Variants in RFTN2 observed in about 807,000 individuals in gnomAD.
The protein encoded by RFTN2 is raftlin family member 2, also known as raftlin-2.
In RFTN2, 34 loss-of-function variants were observed where a neutral mutation model predicts 52.7. The ratio of observed to expected loss-of-function variants is 0.64; its 90% CI spans 0.49 to 0.86. RFTN2 has a LOEUF of 0.86. Ranked by LOEUF, RFTN2 falls within the 40% of genes least tolerant of loss-of-function variation. The pLI is 0.00. For synonymous variants in RFTN2, 203 were observed against 217.7 expected (o/e 0.93, Z 0.59); for missense variants, 536 against 600.1 (o/e 0.89, Z 1.12).
intron 4 of RFTN2, among the ~76,000 whole-genome samples, chr2:197,633,416 G>T (rs1249965416): frequency 1.3e-5 from 2 of 152,022 alleles, no homozygotes; most frequent in African/African-American, 4.8e-5. Context: ...TCACTTATTT[G>T]GTACACATGT....
intron 6 of RFTN2, 60 bp from the exon 7 acceptor site, chr2:197,616,039 A>G: frequency 1.0e-6 from 1 of 986,274 alleles, no homozygotes; most frequent in East Asian, 2.6e-5. Flanking sequence ...CTACACAATT[A>G]CAACAAAGGG....
At chr2:197,650,754 G>T (rs1206687286) in intron 1 of RFTN2, among the ~76,000 whole-genome samples, 1 of 152,020 alleles carries the variant, frequency 6.6e-6, no homozygotes, top group African/African-American at 2.4e-5. Flanking sequence ...TATTAATATG[G>T]GTGTGTAAAT....
chr2:197,653,097 A>G (rs2088846159), intron 1 of RFTN2, among the ~76,000 whole-genome samples: 1 of 152,220 alleles, frequency 6.6e-6, no homozygotes, highest in African/African-American at 2.4e-5. Context: ...TTATATTATT[A>G]ATATCTGCCT....
chr2:197,572,659 A>G (rs1233241541), intron 8 of RFTN2, among the ~76,000 whole-genome samples: 1 of 152,198 alleles, frequency 6.6e-6, no homozygotes, highest in Non-Finnish European at 1.5e-5. Context: ...GTTCAGATCT[A>G]TACAGCAGAA....
chr2:197,635,895 A>G (rs1487994207), intron 3 of RFTN2, among the ~76,000 whole-genome samples: 1 of 140,378 alleles, frequency 7.1e-6, no homozygotes, highest in East Asian at 2.1e-4. Flanking sequence ...TCTTTAATCC[A>G]TCTTGAATTG....
intron 1 of RFTN2, among the ~76,000 whole-genome samples, chr2:197,653,183 T>TA (rs1350932865): frequency 6.6e-6 from 1 of 152,190 alleles, no homozygotes; most frequent in South Asian, 2.1e-4. Flanking sequence ...TCTCTATACT[T>TA]AGAGTATTGC....
chr2:197,666,951 T>G (rs1470997859), intron 1 of RFTN2, among the ~76,000 whole-genome samples: 2 of 152,200 alleles, frequency 1.3e-5, no homozygotes, highest in Non-Finnish European at 2.9e-5. Flanking sequence ...TGTATTTAAT[T>G]CAATGAATTC....
chr2:197,618,786 G>T (rs7562181), intron 5 of RFTN2, among the ~76,000 whole-genome samples: 3 of 151,040 alleles, frequency 2.0e-5, no homozygotes, highest in African/African-American at 7.3e-5. Context: ...CCCCGTCTGA[G>T]AAGTGAGGAG....
At chr2:197,619,754 A>T (rs1272350709) in intron 5 of RFTN2, among the ~76,000 whole-genome samples, 1 of 124,376 alleles carries the variant, frequency 8.0e-6, no homozygotes, top group Non-Finnish European at 1.6e-5. Flanking sequence ...AAAAAAAAAT[A>T]ATAATAACAA....
At chr2:197,603,494 T>C (rs1036601390) in intron 7 of RFTN2, among the ~76,000 whole-genome samples, 8 of 152,220 alleles carry the variant, frequency 5.3e-5, no homozygotes, top group African/African-American at 1.7e-4. Flanking sequence ...ATTTAAATTT[T>C]GTATAGAGAT....
chr2:197,600,203 G>A (rs1016491452), intron 7 of RFTN2, among the ~76,000 whole-genome samples: 7 of 152,148 alleles, frequency 4.6e-5, no homozygotes, highest in African/African-American at 1.7e-4. Context: ...GACGAGTAAT[G>A]CCTTCCAGTG....
chr2:197,656,726 C>T (rs2088899133), intron 1 of RFTN2, among the ~76,000 whole-genome samples: 1 of 152,188 alleles, frequency 6.6e-6, no homozygotes, highest in Admixed American at 6.5e-5. Flanking sequence ...AACTCACTTT[C>T]TAGAGCAGAA....
At chr2:197,591,458 G>A (rs1000341037) in intron 8 of RFTN2, among the ~76,000 whole-genome samples, 2 of 152,222 alleles carry the variant, frequency 1.3e-5, no homozygotes, top group African/African-American at 4.8e-5. Flanking sequence ...GGTTCTGCAA[G>A]TCCCCACCAG....
intron 8 of RFTN2, among the ~76,000 whole-genome samples, chr2:197,590,933 T>G (rs977433744): frequency 2.0e-5 from 3 of 152,118 alleles, no homozygotes; most frequent in Non-Finnish European, 4.4e-5. Flanking sequence ...ACTCCCCAAG[T>G]GGGGAAGACG....
At position 197,607,577 on chromosome 2, in the gene RFTN2, A is replaced by C. The variant is rs1289213334; in HGVS notation, c.1154+8299T>G. ...AATTGTTAATTTGTATTTTATGTTAACTTTTGCTTCATCTTACACATTAAT... is the reference window on the plus strand; with the variant it reads ...AATTGTTAATTTGTATTTTATGTTACCTTTTGCTTCATCTTACACATTAAT... On this transcript the variant is annotated intron_variant, in intron 7 of 8. Coordinates refer to ENST00000295049, the MANE Select transcript of RFTN2 (RefSeq NM_144629.3). Among the ~76,000 whole-genome samples, 3 of 152,074 alleles carry C rather than the reference A, an allele frequency of 2.0e-5. No individual in the cohort carries two copies. In the South Asian group the frequency reaches 6.2e-4, roughly 31 times the overall value.
In RFTN2 at chr2:197,591,915, C is replaced by T. The variant is rs572873061; in HGVS notation, c.1233+4076G>A. ...CTGTGCGCAGAACTGGTTCCTGCCC[C>T]GTGCCTCTCCCTCCACGCCTCTCCC... On this transcript the variant is annotated intron_variant, in intron 8 of 8. Transcript: ENST00000295049. 1.1e-4 allele frequency among the ~76,000 whole-genome samples: 16 copies of T among 152,182 alleles called. 1 individual carries two copies. The East Asian group carries it at 1.2e-3, about 11-fold the overall frequency.
chr2:197,618,013 G>T, intron 5 of RFTN2, 92 bp from the exon 6 acceptor site: 1 of 1,047,890 alleles, frequency 9.5e-7, no homozygotes, highest in Non-Finnish European at 1.3e-6. Context: ...ATAGGAAACT[G>T]AAGGAAAAAC....
chr2:197,647,247 G>T (rs980639421), intron 1 of RFTN2, among the ~76,000 whole-genome samples: 1 of 151,912 alleles, frequency 6.6e-6, no homozygotes, highest in Non-Finnish European at 1.5e-5. Context: ...TTTTGAGAGA[G>T]GGTCTCACTC....
chr2:197,617,015 A>G (rs1210356821), intron 6 of RFTN2, among the ~76,000 whole-genome samples: 1 of 152,198 alleles, frequency 6.6e-6, no homozygotes, highest in Non-Finnish European at 1.5e-5. Context: ...AGGGTGCACA[A>G]CATCAGCAGC....
Sources: allele counts gnomAD v4.1 joint callset (sites outside exome capture counted in the v4.1 genomes callset), GRCh38; gene constraint gnomAD v4.1.1; transcripts MANE v1.5; gene names NCBI Gene and HGNC (gene_info 2026-07-23, HGNC 2026-07-21).